The following TSHZ2 variants were observed in gnomAD, a reference collection of about 807,000 sequenced individuals.
TSHZ2 encodes teashirt homolog 2.
In TSHZ2, 21 loss-of-function variants were observed where a neutral mutation model predicts 74.4. The observed-to-expected ratio is 0.28, with a 90% CI of 0.20 to 0.41. TSHZ2 has a LOEUF of 0.41. Among genes scored for constraint, TSHZ2 ranks in the 10% least tolerant of loss-of-function variants. The probability of loss-of-function intolerance (pLI) is 1.00; values close to 1 mark genes in which losing one functional copy is unlikely to be tolerated. For synonymous variants in TSHZ2, 540 were observed against 515.3 expected, an observed-to-expected ratio of 1.05 and a Z score of -0.65; for missense variants, 1,244 against 1,293.5, an observed-to-expected ratio of 0.96 and a Z score of 0.59.
intron 2 of TSHZ2, among the ~76,000 whole-genome samples, chr20:53,427,335 T>G (rs1260054534): frequency 6.6e-6 from 1 of 152,192 alleles, no homozygotes; most frequent in Non-Finnish European, 1.5e-5. Context: ...CGGATCCTAC[T>G]CATAAAGAGA....
At chr20:53,272,786 C>A (rs1032302664) in intron 2 of TSHZ2, among the ~76,000 whole-genome samples, 1 of 152,192 alleles carries the variant, frequency 6.6e-6, no homozygotes, top group Non-Finnish European at 1.5e-5. Flanking sequence ...CTTGGAGGAA[C>A]TGCTGTGTGC....
chr20:52,981,998 A>T (rs1981585815), intron 1 of TSHZ2, among the ~76,000 whole-genome samples: 1 of 152,242 alleles, frequency 6.6e-6, no homozygotes, highest in Non-Finnish European at 1.5e-5. Flanking sequence ...AAAGAAATTT[A>T]TAAAGGAAAA....
chr20:53,007,802 G>A (rs1183633522), intron 1 of TSHZ2, among the ~76,000 whole-genome samples: 1 of 151,874 alleles, frequency 6.6e-6, no homozygotes, highest in Admixed American at 6.6e-5. Context: ...TATTTGCAGA[G>A]TGATGTGAGC....
chr20:53,338,312 C>T (rs1316985732), intron 2 of TSHZ2, among the ~76,000 whole-genome samples: 2 of 152,134 alleles, frequency 1.3e-5, no homozygotes, highest in Non-Finnish European at 2.9e-5. Context: ...CTCTATCTAA[C>T]GTGGGATGGT....
intron 2 of TSHZ2, among the ~76,000 whole-genome samples, chr20:53,480,745 A>G (rs1275161650): frequency 6.6e-6 from 1 of 152,164 alleles, no homozygotes; most frequent in Non-Finnish European, 1.5e-5. Context: ...GGAGTGTCGC[A>G]TAAGAACAAC....
At chr20:53,248,351 G>A (rs185672611) in intron 1 of TSHZ2, among the ~76,000 whole-genome samples, 110 of 152,154 alleles carry the variant, frequency 7.2e-4, no homozygotes, top group Non-Finnish European at 1.2e-3. Context: ...TGAGATTACA[G>A]GTGTGAGCCA....
chr20:53,246,036 C>CTTTTTTTTTTTTTTTTTTTTT (rs201257665), intron 1 of TSHZ2, among the ~76,000 whole-genome samples: 42 of 126,720 alleles, frequency 3.3e-4, no homozygotes, highest in African/African-American at 1.2e-3. Context: ...TTCTTTCTTT[C>CTTTTTTTTTTTTTTTTTTTTT]TTTCTTTTTT....
intron 1 of TSHZ2, among the ~76,000 whole-genome samples, chr20:53,018,919 A>G (rs577401965): frequency 6.6e-6 from 1 of 152,328 alleles, no homozygotes; most frequent in Admixed American, 6.5e-5. Flanking sequence ...GATTATTTTT[A>G]GATCCTAGTC....
intron 1 of TSHZ2, among the ~76,000 whole-genome samples, chr20:53,190,135 A>ATATATATATATATG (rs1988702604): frequency 2.2e-5 from 2 of 89,902 alleles, no homozygotes; most frequent in Non-Finnish European, 4.4e-5. Flanking sequence ...ATATATATAT[A>ATATATATATATATG]TATTTTCTTA....
intron 1 of TSHZ2, among the ~76,000 whole-genome samples, chr20:53,191,398 C>T (rs1988734419): frequency 6.6e-6 from 1 of 152,288 alleles, no homozygotes; most frequent in African/African-American, 2.4e-5. Flanking sequence ...TGTGGTGGCT[C>T]ACGCTTGTAA....
At chr20:52,981,952 T>C (rs1335387994) in intron 1 of TSHZ2, among the ~76,000 whole-genome samples, 2 of 152,242 alleles carry the variant, frequency 1.3e-5, no homozygotes, top group East Asian at 1.9e-4. Context: ...TCCCTGGGGA[T>C]CTTGCCCTCC....
intron 2 of TSHZ2, among the ~76,000 whole-genome samples, chr20:53,343,317 G>A (rs560491108): frequency 2.6e-4 from 39 of 152,274 alleles, no homozygotes; most frequent in African/African-American, 8.7e-4. Context: ...TGGGAGTAGC[G>A]AGGCTGGACA....
intron 1 of TSHZ2, among the ~76,000 whole-genome samples, chr20:53,191,457 G>T (rs1988735802): frequency 6.6e-6 from 1 of 152,216 alleles, no homozygotes; most frequent in Admixed American, 6.5e-5. Context: ...GAGGCCAGGA[G>T]TTTGAAACCA....
chr20:53,076,562 T>C (rs1282764008), intron 1 of TSHZ2, among the ~76,000 whole-genome samples: 7 of 152,182 alleles, frequency 4.6e-5, no homozygotes, highest in African/African-American at 1.4e-4. Flanking sequence ...GCGGAGGTCC[T>C]GACCCAGTCT....
At position 53,483,511 on chromosome 20, in the gene TSHZ2, C is replaced by A. The variant is rs748816148; in HGVS notation, c.*9-3633C>A. On this transcript the variant is annotated intron_variant, in intron 2 of 2. Coordinates refer to ENST00000371497, the MANE Select transcript of TSHZ2 (RefSeq NM_173485.6). ...GGGTGACAGAACAAAACCCTGTCCC[C>A]CACCTCCCCCATCCCCAAACAAAAC... 2.6e-5 allele frequency among the ~76,000 whole-genome samples: 4 copies of A among 151,954 alleles called. 1 individual carries two copies. The highest frequency in any genetic ancestry group is 5.9e-5 in the Non-Finnish European group (4 of 67,988).
At chr20:53,470,110 T>G (rs1985752231) in intron 2 of TSHZ2, among the ~76,000 whole-genome samples, 1 of 152,196 alleles carries the variant, frequency 6.6e-6, no homozygotes, top group Non-Finnish European at 1.5e-5. Flanking sequence ...CGACAGCAAT[T>G]AGTCTCAGTC....
At chr20:53,118,700 G>T (rs1430302995) in intron 1 of TSHZ2, among the ~76,000 whole-genome samples, 1 of 152,254 alleles carries the variant, frequency 6.6e-6, no homozygotes, top group Non-Finnish European at 1.5e-5. Context: ...TTTTCTGGAG[G>T]GGGGAAGCTG....
chr20:53,470,466 G>A (rs1378931066), intron 2 of TSHZ2, among the ~76,000 whole-genome samples: 4 of 152,072 alleles, frequency 2.6e-5, no homozygotes, highest in African/African-American at 7.2e-5. Flanking sequence ...GGATTACACC[G>A]CTAAGCATCA....
intron 2 of TSHZ2, among the ~76,000 whole-genome samples, chr20:53,392,990 G>A (rs899118530): frequency 1.1e-4 from 16 of 151,992 alleles, no homozygotes; most frequent in East Asian, 1.9e-4. Flanking sequence ...GCACCACCAC[G>A]CCCAGATAGT....
Sources: allele counts gnomAD v4.1 joint callset (sites outside exome capture counted in the v4.1 genomes callset), GRCh38; gene constraint gnomAD v4.1.1; transcripts MANE v1.5; gene names NCBI Gene and HGNC (gene_info 2026-07-23, HGNC 2026-07-21).